Variants in ARHGEF4 observed in about 807,000 individuals in gnomAD.
The protein encoded by ARHGEF4 is Rho guanine nucleotide exchange factor 4.
Under a neutral mutation model 162.0 loss-of-function variants are expected in ARHGEF4, and 119 were observed. The observed-to-expected ratio is 0.73, with a 90% CI of 0.63 to 0.86. ARHGEF4 has a LOEUF of 0.86. Ranked by LOEUF, ARHGEF4 falls within the 40% of genes least tolerant of loss-of-function variation. ARHGEF4 has a pLI of 0.00. For missense variants in ARHGEF4, 2,488 were observed against 2,456.0 expected, an observed-to-expected ratio of 1.01 and a Z score of -0.28; for synonymous variants, 1,014 against 979.9, an observed-to-expected ratio of 1.03 and a Z score of -0.65.
intron 4 of ARHGEF4, among the ~76,000 whole-genome samples, chr2:130,978,884 C>T (rs1436333418): frequency 6.6e-6 from 1 of 152,192 alleles, no homozygotes; most frequent in African/African-American, 2.4e-5. Context: ...TCCTGCTCTG[C>T]TTCATATTGG....
At chr2:130,885,356 T>C (rs1295660948) in intron 1 of ARHGEF4, among the ~76,000 whole-genome samples, 1 of 152,014 alleles carries the variant, frequency 6.6e-6, no homozygotes, top group Non-Finnish European at 1.5e-5. Flanking sequence ...TAGCTTAGTA[T>C]GTGCTGGGAT....
intron 4 of ARHGEF4, among the ~76,000 whole-genome samples, chr2:130,982,992 A>T (rs1686234405): frequency 6.6e-6 from 1 of 152,236 alleles, no homozygotes; most frequent in East Asian, 1.9e-4. Context: ...TGAACATTTT[A>T]TATAGTTAAG....
intron 4 of ARHGEF4, among the ~76,000 whole-genome samples, chr2:130,966,670 C>T (rs1252596402): frequency 6.6e-6 from 1 of 152,184 alleles, no homozygotes; most frequent in Non-Finnish European, 1.5e-5. Context: ...GGGCAGCATG[C>T]CGGTCCGGTG....
chr2:130,982,986 C>T (rs1686233772), intron 4 of ARHGEF4, among the ~76,000 whole-genome samples: 1 of 152,154 alleles, frequency 6.6e-6, no homozygotes. Flanking sequence ...CAGATATGAA[C>T]ATTTTATATA....
chr2:130,871,906 C>T (rs1217467985), intron 1 of ARHGEF4, among the ~76,000 whole-genome samples: 1 of 152,196 alleles, frequency 6.6e-6, no homozygotes, highest in Non-Finnish European at 1.5e-5. Flanking sequence ...AAATAAAGAT[C>T]CATGGAACAG....
intron 3 of ARHGEF4, among the ~76,000 whole-genome samples, chr2:130,942,847 T>C (rs936945418): frequency 6.6e-5 from 10 of 152,232 alleles, no homozygotes; most frequent in African/African-American, 2.4e-4. Flanking sequence ...TTCATTATTA[T>C]GATTATCACC....
chr2:130,963,289 A>C (rs139070860), intron 4 of ARHGEF4, among the ~76,000 whole-genome samples: 27 of 151,806 alleles, frequency 1.8e-4, no homozygotes, highest in African/African-American at 6.3e-4. Flanking sequence ...GTCCACGCTC[A>C]CCGTGCGCCT....
chr2:130,979,077 T>A (rs1419211148), intron 4 of ARHGEF4, among the ~76,000 whole-genome samples: 4 of 152,160 alleles, frequency 2.6e-5, no homozygotes, highest in Non-Finnish European at 5.9e-5. Context: ...TTGAGAAGGA[T>A]CAAAGTAAAA....
At chr2:130,949,901 A>C (rs553956371) in intron 4 of ARHGEF4, among the ~76,000 whole-genome samples, 66 of 152,120 alleles carry the variant, frequency 4.3e-4, no homozygotes, top group African/African-American at 1.5e-3. Context: ...TGTTTGCCTC[A>C]GTTTCCCAAA....
At chr2:131,041,141 T>G in intron 8 of ARHGEF4, 89 bp from the exon 9 acceptor site, 1 of 1,276,730 alleles carries the variant, frequency 7.8e-7, no homozygotes, top group Admixed American at 2.0e-5. Flanking sequence ...CTGAAGGAAA[T>G]GTAGAGGCTC....
intron 1 of ARHGEF4, among the ~76,000 whole-genome samples, chr2:130,867,239 A>T (rs982876412): frequency 5.0e-4 from 75 of 148,866 alleles, no homozygotes; most frequent in East Asian, 3.7e-3. Flanking sequence ...TATTATTATT[A>T]TTATTTTTTT....
intron 3 of ARHGEF4, among the ~76,000 whole-genome samples, chr2:130,940,569 G>A (rs1018151913): frequency 9.2e-5 from 14 of 151,818 alleles, no homozygotes; most frequent in Non-Finnish European, 1.9e-4. Flanking sequence ...GGCCGGGCGC[G>A]GTGGCTCACG....
chr2:131,021,053 T>G (rs1336020918), intron 4 of ARHGEF4, among the ~76,000 whole-genome samples: 1 of 152,142 alleles, frequency 6.6e-6, no homozygotes, highest in Non-Finnish European at 1.5e-5. Context: ...TTCTTGTAAA[T>G]TTGTTTGAGT....
chr2:131,045,463 C>T lies in ARHGEF4; in HGVS notation c.5479+17C>T. ...AGCCCAAAGGTAGGCGGACAGCAGC[C>T]CCACCTCCTCGGCTGCCCGGTCCTT... is the stretch of plus-strand genomic sequence containing the variant. On this transcript the variant is annotated intron_variant, in intron 13 of 13. Transcript: ENST00000409359. 2.5e-6 allele frequency: 4 copies of T among 1,613,552 alleles called. No individual in the cohort carries two copies. Among genetic ancestry groups the T allele is most frequent in the South Asian group, 1.1e-5 (1 of 91,086 alleles).
chr2:130,957,160 T>C (rs1684336426), intron 4 of ARHGEF4, among the ~76,000 whole-genome samples: 1 of 150,658 alleles, frequency 6.6e-6, no homozygotes, highest in East Asian at 1.9e-4. Flanking sequence ...TTTTAAAGGA[T>C]TGTTAACAAA....
At chr2:131,008,568 C>T (rs566425685) in intron 4 of ARHGEF4, among the ~76,000 whole-genome samples, 8 of 152,018 alleles carry the variant, frequency 5.3e-5, no homozygotes, top group Non-Finnish European at 1.2e-4. Context: ...GGTCATTTTC[C>T]TCTTTTTTTG....
In ARHGEF4 at chr2:131,046,050, C is replaced by A; in HGVS notation, c.5492C>A (p.Pro1831His). Residue 1831 changes from proline to histidine, a missense_variant, in exon 14 of 14, where the codon CCC becomes CAC. This residue lies in a region of ARHGEF4 where 415 missense variants were observed against 512.4 expected (regional missense o/e 0.81). Transcript: ENST00000409359. ...VTGKPKAVGR[P>H]CYLTRQKHPA... ...TCTCCCTGTTCAGCTGTTGGCCGGC[C>A]CTGCTACCTGACGCGCCAGAAGCAC... is the stretch of plus-strand genomic sequence containing the variant. 6.2e-7 allele frequency: 1 copy of A among 1,611,462 alleles called. No homozygotes were observed. The highest frequency in any genetic ancestry group is 1.1e-5 in the South Asian group (1 of 90,912).
chr2:130,899,229 G>A (rs146953988), intron 1 of ARHGEF4, among the ~76,000 whole-genome samples: 1 of 152,274 alleles, frequency 6.6e-6, no homozygotes, highest in East Asian at 1.9e-4. Context: ...CATATTCATG[G>A]GCATGATACC....
chr2:130,847,622 C>T (rs61598344), intron 1 of ARHGEF4, among the ~76,000 whole-genome samples: 8,258 of 152,236 alleles, frequency 0.054, 354 homozygotes, highest in African/African-American at 0.11. Flanking sequence ...CTTTTCCACC[C>T]CAACGCTTGG....
Sources: gnomAD v4.1 joint callset for allele counts (sites outside exome capture counted in the v4.1 genomes callset) on GRCh38, gnomAD v4.1.1 for gene constraint, gnomAD v4.1.1 regional missense constraint, MANE v1.5 for transcripts, NCBI Gene and HGNC (gene_info 2026-07-23, HGNC 2026-07-21) for gene names.